Variants in ARHGAP24 observed in about 807,000 individuals in gnomAD.
ARHGAP24 encodes the protein Rho GTPase activating protein 24.
In ARHGAP24, 50 loss-of-function variants were observed where a neutral mutation model predicts 76.4. The observed-to-expected ratio is 0.65, with a 90% CI of 0.52 to 0.83. ARHGAP24 has a LOEUF of 0.83. Ranked by LOEUF, ARHGAP24 falls within the 40% of genes least tolerant of loss-of-function variation. The probability of loss-of-function intolerance (pLI) is 0.00; values close to 1 mark genes in which losing one functional copy is unlikely to be tolerated. For synonymous variants in ARHGAP24, 345 were observed against 323.3 expected, an observed-to-expected ratio of 1.07 and a Z score of -0.72; for missense variants, 930 against 914.2, an observed-to-expected ratio of 1.02 and a Z score of -0.22.
At chr4:85,732,829 G>A (rs1381786211) in intron 3 of ARHGAP24, among the ~76,000 whole-genome samples, 1 of 150,342 alleles carries the variant, frequency 6.7e-6, no homozygotes, top group Non-Finnish European at 1.5e-5. Flanking sequence ...GAGTAGCTGG[G>A]ATTACAGGCA....
chr4:85,664,015 A>C (rs1172294674), intron 2 of ARHGAP24, among the ~76,000 whole-genome samples: 1 of 151,382 alleles, frequency 6.6e-6, no homozygotes, highest in South Asian at 2.1e-4. Context: ...GTTTGGTATC[A>C]GGATGATGCT....
chr4:85,555,536 C>T (rs373708830), intron 1 of ARHGAP24, among the ~76,000 whole-genome samples: 22 of 152,300 alleles, frequency 1.4e-4, no homozygotes, highest in Middle Eastern at 6.8e-3. Flanking sequence ...CTCATGACTG[C>T]GATATGCTCC....
Position 85,570,577 on chromosome 4 carries a change from A to G in ARHGAP24, c.36A>G (p.Gln12=), listed in dbSNP as rs2109963835. The G allele has an allele frequency of 1.2e-6, 2 of 1,614,034 alleles. No individual in the cohort carries two copies. Among genetic ancestry groups the G allele is most frequent in the Middle Eastern group, 1.6e-4 (1 of 6,062 alleles). The change falls in exon 2 of 10, where the codon CAA becomes CAG. Residue 12 remains glutamine, a synonymous_variant. Transcript: ENST00000395184. ...ACAATGACTCCACGGAGAACCCCCA[A>G]CAAGGCCAAGGGCGGCAGAATGCCA... ...EENNDSTENP[Q]QGQGRQNAIK... is the part of the protein sequence containing the mutation.
rs534670778 is a variant in ARHGAP24 at position 86,000,780 on chromosome 4, G to A, written c.*58G>A. 6.2e-7 allele frequency: 1 copy of A among 1,610,226 alleles called. No homozygotes were observed. Among genetic ancestry groups the A allele is most frequent in the African/African-American group, 1.3e-5 (1 of 74,920 alleles). ...GGCAAGGACTCCAGGGATTCTGGTG[G>A]GATATGACTTAGAACCAGGTGGCTG... On this transcript the variant is annotated 3_prime_UTR_variant, in exon 10 of 10. Coordinates refer to ENST00000395184, the MANE Select transcript of ARHGAP24 (RefSeq NM_001025616.3).
chr4:85,832,291 G>T (rs1730033324), intron 3 of ARHGAP24, among the ~76,000 whole-genome samples: 1 of 152,166 alleles, frequency 6.6e-6, no homozygotes, highest in Non-Finnish European at 1.5e-5. Flanking sequence ...AGTGATTTGA[G>T]CAGAAGGATA....
chr4:85,872,625 T>A (rs534283893), intron 3 of ARHGAP24, among the ~76,000 whole-genome samples: 28 of 93,702 alleles, frequency 3.0e-4, no homozygotes, highest in African/African-American at 1.1e-3. Context: ...TTTGACAGGG[T>A]CTCACTCTGT....
intron 2 of ARHGAP24, among the ~76,000 whole-genome samples, chr4:85,608,197 A>G (rs1720266214): frequency 6.6e-6 from 1 of 152,202 alleles, no homozygotes; most frequent in African/African-American, 2.4e-5. Context: ...AAGAGAGAAA[A>G]GAGGAAAAGA....
chr4:85,573,076 C>T (rs538184040), intron 2 of ARHGAP24, among the ~76,000 whole-genome samples: 60 of 152,026 alleles, frequency 3.9e-4, no homozygotes, highest in African/African-American at 7.5e-4. Flanking sequence ...CGGGTTTCAC[C>T]GTGTTGGCCA....
chr4:85,930,563 C>G (rs1736271014), intron 4 of ARHGAP24: 3 of 1,035,028 alleles, frequency 2.9e-6, no homozygotes, highest in African/African-American at 3.5e-5. Flanking sequence ...GAAGACAGTT[C>G]TTAATAAAAA....
intron 3 of ARHGAP24, among the ~76,000 whole-genome samples, chr4:85,849,774 A>G (rs1458649067): frequency 6.6e-6 from 1 of 151,926 alleles, no homozygotes; most frequent in Non-Finnish European, 1.5e-5. Context: ...ATGTTGAACC[A>G]TCCTTGCATC....
chr4:85,538,280 T>C (rs4525966), intron 1 of ARHGAP24, among the ~76,000 whole-genome samples: 18,778 of 152,140 alleles, frequency 0.12, 3,268 homozygotes, highest in African/African-American at 0.39. Context: ...TGCAAATAAA[T>C]CTGCCTATAA....
chr4:86,000,692 C>G lies in ARHGAP24; in HGVS notation c.2217C>G (p.Thr739=), dbSNP rs562074196. The change falls in exon 10 of 10, where the codon ACC becomes ACG. Residue 739 remains threonine, a synonymous_variant. Coordinates refer to ENST00000395184, the MANE Select transcript of ARHGAP24 (RefSeq NM_001025616.3). ...FGELTVEPRR[T]ERGNTIWIQ ...AACTGACAGTGGAACCCAGGAGAAC[C>G]GAGAGAGGAAACACAATATGGATTC... is the stretch of plus-strand genomic sequence containing the variant. The G allele has an allele frequency of 3.1e-6, 5 of 1,613,720 alleles. No individual in the cohort carries two copies. The highest frequency in any genetic ancestry group is 1.6e-4 in the Middle Eastern group (1 of 6,084).
rs1741001357 is a variant in ARHGAP24, at chr4:86,001,230, G to A, written c.*508G>A. ...TATTAAAATCAGAAGAATACTTTGT[G>A]GCTGTGCTGTTTGTGCCAATAGACT... On this transcript the variant is annotated 3_prime_UTR_variant, in exon 10 of 10. Transcript: ENST00000395184. 2 of 398,996 alleles carry A rather than the reference G, an allele frequency of 5.0e-6. No homozygotes were observed. The highest frequency in any genetic ancestry group is 8.8e-6 in the Non-Finnish European group (2 of 226,144). The allele number at this position is 398,996 out of a possible 1,614,324, so 24.7% of individuals were successfully genotyped here. A position where few individuals can be genotyped will look rare whatever the true frequency, so the allele number is the denominator to read the frequency against.
At chr4:85,905,780 C>T (rs1734741787) in intron 3 of ARHGAP24, among the ~76,000 whole-genome samples, 1 of 152,098 alleles carries the variant, frequency 6.6e-6, no homozygotes, top group Non-Finnish European at 1.5e-5. Context: ...TCGGTTTCTC[C>T]CACCCCCATA....
intron 3 of ARHGAP24, among the ~76,000 whole-genome samples, chr4:85,804,257 G>A (rs1419951077): frequency 1.3e-5 from 2 of 152,110 alleles, no homozygotes; most frequent in Admixed American, 1.3e-4. Flanking sequence ...CCAACTAGAG[G>A]TCTAATTGTC....
At chr4:85,607,877 G>A (rs1720254524) in intron 2 of ARHGAP24, among the ~76,000 whole-genome samples, 1 of 151,600 alleles carries the variant, frequency 6.6e-6, no homozygotes, top group African/African-American at 2.4e-5. Flanking sequence ...AAGTGAGACA[G>A]AATATGAAAG....
intron 1 of ARHGAP24, among the ~76,000 whole-genome samples, chr4:85,493,786 C>T (rs1723451415): frequency 6.6e-6 from 1 of 152,138 alleles, no homozygotes; most frequent in Admixed American, 6.6e-5. Flanking sequence ...CACAAAAGAA[C>T]GTATCTCCTT....
chr4:85,639,097 C>T (rs1052926322), intron 2 of ARHGAP24, among the ~76,000 whole-genome samples: 4 of 152,014 alleles, frequency 2.6e-5, no homozygotes, highest in Non-Finnish European at 5.9e-5. Context: ...CATTTCTATT[C>T]TTGTTTCTTA....
At chr4:85,757,208 C>T (rs1426708572) in intron 3 of ARHGAP24, among the ~76,000 whole-genome samples, 1 of 86,780 alleles carries the variant, frequency 1.2e-5, no homozygotes, top group Admixed American at 1.9e-4. Context: ...TCAATGCAAC[C>T]AATTCTTTTT....
Sources: gnomAD v4.1 joint callset for allele counts (sites outside exome capture counted in the v4.1 genomes callset) on GRCh38, gnomAD v4.1.1 for gene constraint, MANE v1.5 for transcripts, NCBI Gene and HGNC (gene_info 2026-07-23, HGNC 2026-07-21) for gene names.